The following TNIK variants were observed in gnomAD, a reference collection of about 807,000 sequenced individuals.
TNIK encodes TRAF2 and NCK-interacting protein kinase.
A neutral mutation model predicts 191.3 loss-of-function variants in TNIK; 49 were observed. That is an observed-to-expected ratio of 0.26 (90% CI 0.20 to 0.32). TNIK has a LOEUF of 0.32. Ranked by LOEUF, TNIK falls within the 10% of genes least tolerant of loss-of-function variation. The pLI is 1.00. For synonymous variants in TNIK, 594 were observed against 600.9 expected (o/e 0.99, Z 0.17); for missense variants, 1,155 against 1,702.3 (o/e 0.68, Z 5.66).
intron 15 of TNIK, among the ~76,000 whole-genome samples, chr3:171,136,942 C>T (rs189990964): frequency 6.6e-6 from 1 of 152,094 alleles, no homozygotes; most frequent in East Asian, 1.9e-4. Flanking sequence ...ATCATGTTTA[C>T]AGATGTAAGG....
intron 18 of TNIK, among the ~76,000 whole-genome samples, chr3:171,111,100 A>G (rs1292918962): frequency 6.6e-6 from 1 of 152,240 alleles, no homozygotes; most frequent in Non-Finnish European, 1.5e-5. Flanking sequence ...AATGATCAGC[A>G]TCACTAATCA....
chr3:171,162,667 G>A (rs1195401668), intron 10 of TNIK, among the ~76,000 whole-genome samples: 2 of 152,174 alleles, frequency 1.3e-5, no homozygotes, highest in Non-Finnish European at 2.9e-5. Flanking sequence ...AGTCACTACT[G>A]CTAGATATTT....
intron 1 of TNIK, among the ~76,000 whole-genome samples, chr3:171,370,495 C>T (rs189949102): frequency 6.6e-6 from 1 of 152,296 alleles, no homozygotes; most frequent in African/African-American, 2.4e-5. Context: ...AAATTCTATT[C>T]AGAGGCAGAA....
chr3:171,406,368 G>C (rs148948201), intron 1 of TNIK, among the ~76,000 whole-genome samples: 1 of 152,100 alleles, frequency 6.6e-6, no homozygotes, highest in Non-Finnish European at 1.5e-5. Flanking sequence ...CCCAGAGCTC[G>C]GAGGCCATGC....
At chr3:171,452,714 T>C (rs1216901702) in intron 1 of TNIK, among the ~76,000 whole-genome samples, 1 of 141,016 alleles carries the variant, frequency 7.1e-6, no homozygotes, top group Non-Finnish European at 1.5e-5. Flanking sequence ...GTTGAAATAA[T>C]TGAAACACAC....
At chr3:171,228,779 A>G (rs928936387) in intron 2 of TNIK, among the ~76,000 whole-genome samples, 1 of 152,354 alleles carries the variant, frequency 6.6e-6, no homozygotes, top group African/African-American at 2.4e-5. Flanking sequence ...CTGCTTCCCC[A>G]AGGTGGGCTC....
chr3:171,156,635 G>A (rs1733212289), intron 12 of TNIK, among the ~76,000 whole-genome samples: 1 of 152,220 alleles, frequency 6.6e-6, no homozygotes, highest in Non-Finnish European at 1.5e-5. Flanking sequence ...TGGGAAGGAG[G>A]CTTTAACAAA....
rs1057066092 is a variant in TNIK at position 171,314,710 on chromosome 3, A to C, written c.123+54910T>G. On this transcript the variant is annotated intron_variant, in intron 2 of 32. Transcript: ENST00000436636. Reference sequence around the variant, plus strand: ...TCTACTAGGGAAAACCCACACAAACAATAAATAAATAAATAATAAAACACA... The same window carrying C: ...TCTACTAGGGAAAACCCACACAAACCATAAATAAATAAATAATAAAACACA... 7.5e-5 allele frequency among the ~76,000 whole-genome samples: 11 copies of C among 146,746 alleles called. No homozygotes were observed. In the East Asian group the frequency reaches 2.1e-3, roughly 28 times the overall value.
At chr3:171,182,485 C>T (rs902146795) in intron 7 of TNIK, among the ~76,000 whole-genome samples, 1 of 152,110 alleles carries the variant, frequency 6.6e-6, no homozygotes, top group East Asian at 1.9e-4. Context: ...CGTTCATGGC[C>T]ATGGTGTGAC....
At chr3:171,311,147 GA>G (rs35537266) in intron 2 of TNIK, among the ~76,000 whole-genome samples, 9 of 150,718 alleles carry the variant, frequency 6.0e-5, no homozygotes, top group African/African-American at 2.2e-4. Flanking sequence ...GAGAGAGAGA[GA>G]AAAAAAATTC....
chr3:171,115,185 CTT>C (rs1560134543), intron 18 of TNIK, among the ~76,000 whole-genome samples: 2 of 152,154 alleles, frequency 1.3e-5, no homozygotes, highest in African/African-American at 2.4e-5. Flanking sequence ...TAAAAAATCT[CTT>C]GAGAGGAGGG....
intron 6 of TNIK, among the ~76,000 whole-genome samples, chr3:171,189,400 G>T (rs1286604784): frequency 6.6e-6 from 1 of 152,162 alleles, no homozygotes; most frequent in African/African-American, 2.4e-5. Flanking sequence ...AATGGATGAA[G>T]TGTACCCATG....
Position 171,126,102 on chromosome 3 carries a change from G to A in TNIK, c.1823C>T (p.Ser608Phe). The change falls in exon 17 of 33, where the codon TCC becomes TTC. Residue 608 changes from serine to phenylalanine, a missense_variant. Transcript: ENST00000436636. ...TGTGGGCTGCTCGTGCACTGACTGG[G>A]AGGCGGTCAAGGCAGGTCCCTGGGA... ...VKSQGPALTA[S>F]QSVHEQPTKG... is the part of the protein sequence containing the mutation. The A allele has an allele frequency of 6.3e-7, 1 of 1,594,378 alleles. No homozygotes were observed. The highest frequency in any genetic ancestry group is 1.1e-5 in the South Asian group (1 of 87,744).
intron 2 of TNIK, among the ~76,000 whole-genome samples, chr3:171,319,640 A>C (rs777603392): frequency 2.0e-5 from 3 of 152,216 alleles, no homozygotes; most frequent in Non-Finnish European, 4.4e-5. Flanking sequence ...TTGAAGCAAT[A>C]AAATGGATTT....
intron 7 of TNIK, among the ~76,000 whole-genome samples, chr3:171,185,666 CA>C (rs1737273630): frequency 6.6e-6 from 1 of 152,148 alleles, no homozygotes; most frequent in African/African-American, 2.4e-5. Context: ...AGATATCACA[CA>C]AAACCAGACT....
At chr3:171,270,237 G>A (rs1748913683) in intron 2 of TNIK, among the ~76,000 whole-genome samples, 1 of 152,172 alleles carries the variant, frequency 6.6e-6, no homozygotes, top group Non-Finnish European at 1.5e-5. Flanking sequence ...GGGGGCAACT[G>A]GGTCATGAGA....
chr3:171,094,358 G>T (rs766325522), intron 22 of TNIK, among the ~76,000 whole-genome samples: 5 of 151,964 alleles, frequency 3.3e-5, no homozygotes, highest in African/African-American at 9.7e-5. Context: ...GGATGGTCTC[G>T]ATCTCCTGAC....
intron 1 of TNIK, among the ~76,000 whole-genome samples, chr3:171,459,083 A>G (rs911311331): frequency 2.0e-5 from 3 of 151,760 alleles, no homozygotes; most frequent in African/African-American, 7.3e-5. Flanking sequence ...AGCAAAATGG[A>G]TTCTATATCA....
intron 27 of TNIK, among the ~76,000 whole-genome samples, 190 bp downstream of exon 27, chr3:171,082,054 CAGAGGTG>C (rs1175633346): frequency 6.6e-6 from 1 of 152,156 alleles, no homozygotes; most frequent in African/African-American, 2.4e-5. Context: ...AGATTTAATG[CAGAGGTG>C]AGAGACTTCT....
Sources: allele counts gnomAD v4.1 joint callset (sites outside exome capture counted in the v4.1 genomes callset), GRCh38; gene constraint gnomAD v4.1.1; transcripts MANE v1.5; gene names NCBI Gene and HGNC (gene_info 2026-07-23, HGNC 2026-07-21).